The following ARID1B variants were observed in gnomAD, a reference collection of about 807,000 sequenced individuals.
ARID1B encodes AT-rich interaction domain 1B, also known as AT-rich interactive domain-containing protein 1B.
Under a neutral mutation model 212.3 loss-of-function variants are expected in ARID1B, and 30 were observed. The ratio of observed to expected loss-of-function variants is 0.14; its 90% CI spans 0.11 to 0.19. The LOEUF (loss-of-function observed/expected upper bound fraction) is 0.19. Among genes scored for constraint, ARID1B ranks in the 10% least tolerant of loss-of-function variants. ARID1B has a pLI of 1.00. For synonymous variants in ARID1B, 1,402 were observed against 1,301.7 expected, an observed-to-expected ratio of 1.08 and a Z score of -1.66; for missense variants, 2,891 against 3,204.0, an observed-to-expected ratio of 0.90 and a Z score of 2.36.
chr6:157,085,513 C>T (rs1784909342), intron 5 of ARID1B, among the ~76,000 whole-genome samples: 3 of 151,952 alleles, frequency 2.0e-5, no homozygotes, highest in Admixed American at 1.3e-4. Flanking sequence ...ATTATGTTCT[C>T]GAGGTTATTT....
intron 4 of ARID1B, among the ~76,000 whole-genome samples, chr6:157,006,862 C>T (rs563358310): frequency 1.3e-5 from 2 of 152,266 alleles, no homozygotes; most frequent in African/African-American, 4.8e-5. Flanking sequence ...TCTTTTTTCA[C>T]GTGGAAGTAA....
At chr6:156,896,834 G>C (rs1333961088) in intron 2 of ARID1B, among the ~76,000 whole-genome samples, 1 of 151,548 alleles carries the variant, frequency 6.6e-6, no homozygotes, top group Non-Finnish European at 1.5e-5. Context: ...AGCTGAGATC[G>C]TGCCACTGCA....
chr6:156,850,312 A>G (rs562389844), intron 2 of ARID1B, among the ~76,000 whole-genome samples: 47 of 152,170 alleles, frequency 3.1e-4, no homozygotes, highest in African/African-American at 1.1e-3. Flanking sequence ...TTATTATTGC[A>G]TTTTGGGTGA....
At position 156,975,613 on chromosome 6, in the gene ARID1B, C is replaced by CTTTTT. The variant is rs367797338; in HGVS notation, c.2247+40050_2247+40054dup. ...TTTAGTTTGACTGTATTTTTTTTTT[C>CTTTTT]TTTTTTTTTTTTTTTTTCAGTTCCT... On this transcript the variant is annotated intron_variant, in intron 4 of 19. Transcript: ENST00000636930. 9.9e-5 allele frequency among the ~76,000 whole-genome samples: 11 copies of CTTTTT among 110,868 alleles called. 1 individual carries two copies. The highest frequency in any genetic ancestry group is 3.4e-4 in the African/African-American group (10 of 29,034). The allele number at this position is 110,868 out of a possible 152,430, so 72.7% of individuals were successfully genotyped here.
chr6:157,030,109 G>GTGGTTC (rs2128493139), intron 4 of ARID1B, among the ~76,000 whole-genome samples: 1 of 152,318 alleles, frequency 6.6e-6, no homozygotes, highest in East Asian at 1.9e-4. Flanking sequence ...GCTCAGCTGG[G>GTGGTTC]TGGTTCTGGT....
intron 4 of ARID1B, among the ~76,000 whole-genome samples, chr6:156,963,181 A>G (rs1794517133): frequency 6.6e-6 from 1 of 152,162 alleles, no homozygotes; most frequent in Non-Finnish European, 1.5e-5. Context: ...GCCTGCACCG[A>G]CTGTGTTTGT....
intron 15 of ARID1B, chr6:157,194,182 C>T (rs1242120918): frequency 6.6e-6 from 1 of 151,966 alleles, no homozygotes; most frequent in Non-Finnish European, 1.5e-5. Context: ...GTTGCTTTTC[C>T]TGTTGATTTT....
At chr6:157,009,768 A>G (rs886730941) in intron 4 of ARID1B, among the ~76,000 whole-genome samples, 1 of 152,240 alleles carries the variant, frequency 6.6e-6, no homozygotes, top group African/African-American at 2.4e-5. Context: ...TGTGCTATAT[A>G]GTTACTTCTA....
intron 2 of ARID1B, among the ~76,000 whole-genome samples, chr6:156,841,246 C>T (rs1289776692): frequency 6.6e-6 from 1 of 152,140 alleles, no homozygotes; most frequent in Non-Finnish European, 1.5e-5. Context: ...ACTTGATTTT[C>T]ACAGTGCTTT....
chr6:157,193,757 TG>T (rs1020408856), intron 15 of ARID1B: 2 of 152,210 alleles, frequency 1.3e-5, no homozygotes, highest in Admixed American at 1.3e-4. Flanking sequence ...TAAAAACTTT[TG>T]CTTGCATCTC....
chr6:157,109,383 C>T (rs1786732132), intron 5 of ARID1B, among the ~76,000 whole-genome samples: 1 of 152,078 alleles, frequency 6.6e-6, no homozygotes, highest in East Asian at 1.9e-4. Context: ...AGCCGGGGTC[C>T]CAGGACCACC....
At chr6:156,957,843 C>A (rs1302650607) in intron 4 of ARID1B, among the ~76,000 whole-genome samples, 1 of 152,008 alleles carries the variant, frequency 6.6e-6, no homozygotes, top group Non-Finnish European at 1.5e-5. Flanking sequence ...ATAATGACAC[C>A]AGGATACCCA....
chr6:157,180,138 G>A (rs142725189), intron 11 of ARID1B, among the ~76,000 whole-genome samples: 3,796 of 152,148 alleles, frequency 0.025, 52 homozygotes, highest in Admixed American at 0.034. Flanking sequence ...CAGTTGGCCC[G>A]CCTAGGGCTA....
intron 4 of ARID1B, among the ~76,000 whole-genome samples, chr6:157,021,066 C>T (rs1276572858): frequency 7.1e-6 from 1 of 140,860 alleles, no homozygotes; most frequent in African/African-American, 2.6e-5. Context: ...GCGGCGGCGG[C>T]GTCCTTCCCT....
intron 4 of ARID1B, among the ~76,000 whole-genome samples, chr6:157,021,598 C>T (rs552101491): frequency 7.9e-4 from 121 of 152,306 alleles, no homozygotes; most frequent in African/African-American, 2.9e-3. Flanking sequence ...ACTGAACAGG[C>T]TCGGACTCCT....
chr6:156,906,310 G>T (rs111360256), intron 3 of ARID1B, among the ~76,000 whole-genome samples: 9,168 of 151,930 alleles, frequency 0.06, 904 homozygotes, highest in African/African-American at 0.2. Context: ...CACTTTGGGA[G>T]GCCGAGGTGG....
intron 6 of ARID1B, among the ~76,000 whole-genome samples, chr6:157,116,359 A>T (rs1191494607): frequency 1.3e-5 from 2 of 151,554 alleles, no homozygotes; most frequent in Non-Finnish European, 2.9e-5. Flanking sequence ...CTTCTAATTG[A>T]ATTCCCTTTT....
At chr6:157,070,905 T>A (rs1040067168) in intron 4 of ARID1B, among the ~76,000 whole-genome samples, 5 of 152,192 alleles carry the variant, frequency 3.3e-5, no homozygotes, top group Admixed American at 3.3e-4. Context: ...TGTTAGCTCT[T>A]GTGAGAAATT....
At chr6:156,928,701 G>C (rs2128252581) in intron 3 of ARID1B, among the ~76,000 whole-genome samples, 1 of 152,220 alleles carries the variant, frequency 6.6e-6, no homozygotes, top group East Asian at 1.9e-4. Flanking sequence ...TAATCTGGCA[G>C]GCGGGCCCCT....
Sources: allele counts gnomAD v4.1 joint callset (sites outside exome capture counted in the v4.1 genomes callset), GRCh38; gene constraint gnomAD v4.1.1; transcripts MANE v1.5; gene names NCBI Gene and HGNC (gene_info 2026-07-23, HGNC 2026-07-21).